PRKN: variants seen among roughly 807,000 people sequenced by gnomAD.
PRKN encodes parkin RBR E3 ubiquitin protein ligase, also known as E3 ubiquitin-protein ligase parkin.
Under a neutral mutation model 59.5 loss-of-function variants are expected in PRKN, and 56 were observed. The ratio of observed to expected loss-of-function variants is 0.94; its 90% CI spans 0.76 to 1.18. PRKN has a LOEUF of 1.18. Among genes scored for constraint, PRKN ranks in the 50% most tolerant of loss-of-function variants. The pLI, the probability that PRKN is intolerant of heterozygous loss-of-function variation, is 0.00. For synonymous variants in PRKN, 250 were observed against 222.1 expected (o/e 1.13, Z -1.12); for missense variants, 657 against 596.4 (o/e 1.10, Z -1.06).
At chr6:161,938,219 T>C (rs1357266790) in intron 6 of PRKN, among the ~76,000 whole-genome samples, 2 of 152,324 alleles carry the variant, frequency 1.3e-5, no homozygotes, top group East Asian at 3.9e-4. Context: ...GAAACTGGCT[T>C]ACCAGGCTCC....
Position 161,390,444 on chromosome 6 carries a change from A to G in PRKN, c.1084-3567T>C, listed in dbSNP as rs1485105270. ...GCTTTTGGAAGTTACCAGAATAGAA[A>G]ACAAATACCATGTAAACATCCATTT... On this transcript the variant is annotated intron_variant, in intron 9 of 11. Transcript: ENST00000366898. This position sits in a 1 kb window ranked among gnomAD's most constrained non-coding sequence, Gnocchi z 7.0. 6.6e-6 allele frequency among the ~76,000 whole-genome samples: 1 copy of G among 152,246 alleles called. No homozygotes were observed. The highest frequency in any genetic ancestry group is 1.5e-5 in the Non-Finnish European group (1 of 68,042).
intron 2 of PRKN, among the ~76,000 whole-genome samples, chr6:162,421,597 T>A (rs1015521985): frequency 6.6e-6 from 1 of 152,236 alleles, no homozygotes; most frequent in Non-Finnish European, 1.5e-5. Context: ...TCATTGTCTA[T>A]TAACTCAGGA....
chr6:162,451,367 T>A (rs1242880442), intron 1 of PRKN, among the ~76,000 whole-genome samples: 373 of 104,364 alleles, frequency 3.6e-3, no homozygotes, highest in Middle Eastern at 0.016. Context: ...CTTAAAGGAG[T>A]AAAAAAAAAA....
intron 1 of PRKN, among the ~76,000 whole-genome samples, chr6:162,625,220 C>T (rs35820211): frequency 0.086 from 13,135 of 152,166 alleles, 722 homozygotes; most frequent in Middle Eastern, 0.18. Context: ...TGTAACTGAG[C>T]GAGGAATAAA....
intron 7 of PRKN, among the ~76,000 whole-genome samples, chr6:161,601,147 T>C (rs1782090316): frequency 6.6e-6 from 1 of 152,236 alleles, no homozygotes; most frequent in African/African-American, 2.4e-5. Flanking sequence ...ATATTGAATA[T>C]ATTTGTTTTT....
At chr6:162,255,934 A>G (rs1436538336) in intron 3 of PRKN, among the ~76,000 whole-genome samples, 1 of 152,198 alleles carries the variant, frequency 6.6e-6, no homozygotes, top group African/African-American at 2.4e-5. Flanking sequence ...GAAGCAAATC[A>G]CAACCCCACT....
At chr6:161,431,029 C>T (rs1223404867) in intron 9 of PRKN, among the ~76,000 whole-genome samples, 1 of 151,270 alleles carries the variant, frequency 6.6e-6, no homozygotes, top group African/African-American at 2.4e-5. Flanking sequence ...AGCCCAGCTA[C>T]TCAGGAGGTT....
At position 162,257,287 on chromosome 6, in the gene PRKN, G is replaced by A. The variant is rs190580429; in HGVS notation, c.412+5238C>T. Among the ~76,000 whole-genome samples the A allele has an allele frequency of 8.3e-3, 1,259 of 152,140 alleles. 14 individuals carry two copies. The highest frequency in any genetic ancestry group is 0.02 in the African/African-American group (825 of 41,492). Reference sequence around the variant, plus strand: ...GTAGTTCCAGACCAGACTGGCCAGCGTGGCCACAGTTTTTCTTTTTTTTTT... The same window carrying A: ...GTAGTTCCAGACCAGACTGGCCAGCATGGCCACAGTTTTTCTTTTTTTTTT... On this transcript the variant is annotated intron_variant, in intron 3 of 11. Coordinates refer to ENST00000366898, the MANE Select transcript of PRKN (RefSeq NM_004562.3).
intron 1 of PRKN, among the ~76,000 whole-genome samples, chr6:162,618,770 C>T (rs966841165): frequency 5.3e-5 from 8 of 152,206 alleles, no homozygotes; most frequent in South Asian, 2.1e-4. Flanking sequence ...AAGTTAATTG[C>T]TTGTCTATCA....
intron 7 of PRKN, among the ~76,000 whole-genome samples, chr6:161,760,891 T>G (rs9458360): frequency 0.52 from 79,470 of 152,062 alleles, 20,941 homozygotes; most frequent in East Asian, 0.57. Flanking sequence ...ATCAATGGCA[T>G]GAATGAGTCA....
chr6:162,318,767 G>C (rs968715809), intron 2 of PRKN, among the ~76,000 whole-genome samples: 4 of 151,918 alleles, frequency 2.6e-5, no homozygotes, highest in African/African-American at 4.8e-5. Context: ...TATAAACATA[G>C]CATCAATCCA....
intron 4 of PRKN, among the ~76,000 whole-genome samples, chr6:162,065,216 A>G (rs1778278819): frequency 6.6e-6 from 1 of 152,198 alleles, no homozygotes; most frequent in African/African-American, 2.4e-5. Flanking sequence ...AGGGAAGCCA[A>G]CAGTGCAGGC....
At chr6:162,696,114 A>C (rs1777956790) in intron 1 of PRKN, among the ~76,000 whole-genome samples, 1 of 152,232 alleles carries the variant, frequency 6.6e-6, no homozygotes. Context: ...ACATACTAAA[A>C]AAGAGAGAGA....
chr6:162,318,948 T>G (rs756424927), intron 2 of PRKN, among the ~76,000 whole-genome samples: 1 of 152,014 alleles, frequency 6.6e-6, no homozygotes, highest in South Asian at 2.1e-4. Flanking sequence ...GAAGCACTTG[T>G]CACAAAAGAA....
chr6:161,839,301 G>C (rs916719727), intron 6 of PRKN, among the ~76,000 whole-genome samples: 2 of 152,126 alleles, frequency 1.3e-5, no homozygotes, highest in Admixed American at 6.5e-5. Flanking sequence ...CTGGAGCTGG[G>C]ATGGGCTCAC....
intron 5 of PRKN, among the ~76,000 whole-genome samples, chr6:162,018,355 A>C (rs1783008826): frequency 6.6e-6 from 1 of 152,180 alleles, no homozygotes; most frequent in Non-Finnish European, 1.5e-5. Flanking sequence ...ACAAAGTCAA[A>C]GTCTTGAGGC....
intron 7 of PRKN, among the ~76,000 whole-genome samples, chr6:161,777,909 T>TATAC (rs1790027849): frequency 2.7e-5 from 4 of 146,582 alleles, no homozygotes; most frequent in Non-Finnish European, 6.0e-5. Context: ...CATATATATG[T>TATAC]GTATATATAT....
chr6:161,734,671 T>C lies in PRKN; in HGVS notation c.871+51101A>G, dbSNP rs553187464. On this transcript the variant is annotated intron_variant, in intron 7 of 11. Coordinates refer to ENST00000366898, the MANE Select transcript of PRKN (RefSeq NM_004562.3). ...TTTCTTGGCATAGGTGAGTTTTTAA[T>C]GCTAAAATTTAAAACAGTTGCTTTT... 3.3e-5 allele frequency among the ~76,000 whole-genome samples: 5 copies of C among 152,344 alleles called. No homozygotes were observed. The South Asian group carries it at 1.0e-3, about 32-fold the overall frequency.
intron 1 of PRKN, among the ~76,000 whole-genome samples, chr6:162,726,486 T>A (rs1432233194): frequency 6.6e-6 from 1 of 152,170 alleles, no homozygotes; most frequent in Admixed American, 6.5e-5. Flanking sequence ...AGTCAGACCA[T>A]GCTAGAAAGG....
Sources: allele counts gnomAD v4.1 joint callset (sites outside exome capture counted in the v4.1 genomes callset), GRCh38; gene constraint gnomAD v4.1.1; non-coding constraint Gnocchi (gnomAD v3.1); transcripts MANE v1.5; gene names NCBI Gene and HGNC (gene_info 2026-07-23, HGNC 2026-07-21).